Variants in DNAJB4 observed in about 807,000 individuals in gnomAD.
DNAJB4 encodes the protein dnaJ homolog subfamily B member 4.
In DNAJB4, 10 loss-of-function variants were observed where a neutral mutation model predicts 26.6. That is an observed-to-expected ratio of 0.38 (90% CI 0.23 to 0.64). The LOEUF (loss-of-function observed/expected upper bound fraction) is 0.64. Ranked by LOEUF, DNAJB4 falls within the 30% of genes least tolerant of loss-of-function variation. DNAJB4 has a pLI of 0.58. For missense variants in DNAJB4, 328 were observed against 408.2 expected, an observed-to-expected ratio of 0.80 and a Z score of 1.69; for synonymous variants, 136 against 134.8, an observed-to-expected ratio of 1.01 and a Z score of -0.06.
chr1:78,005,365 C>A, intron 1 of DNAJB4, 44 bp downstream of exon 1: 2 of 1,174,950 alleles, frequency 1.7e-6, no homozygotes, highest in Non-Finnish European at 2.2e-6. Context: ...AGCTCTGTCT[C>A]TTTTTTTTTT....
At position 78,016,419 on chromosome 1, in the gene DNAJB4, GTT is replaced by G. The variant is rs1660645254; in HGVS notation, c.*173_*174del. ...TAAATAGGCAAAAGGGATTTTTACA[GTT>G]AGAGATAAAAGAGAAAACCATTCAC... is the stretch of plus-strand genomic sequence containing the variant. On this transcript the variant is annotated 3_prime_UTR_variant, in exon 3 of 3. Coordinates refer to ENST00000370763, the MANE Select transcript of DNAJB4 (RefSeq NM_007034.5). 1 of 584,136 alleles carries G rather than the reference GTT, an allele frequency of 1.7e-6. No homozygotes were observed. The highest frequency in any genetic ancestry group is 1.9e-5 in the African/African-American group (1 of 53,318). 36.2% of individuals were successfully genotyped at this position (584,136 alleles called of 1,614,324 possible). A position where few individuals can be genotyped will look rare whatever the true frequency, so the allele number is the denominator to read the frequency against.
At position 77,997,021 on chromosome 1, in the gene DNAJB4, A is replaced by G. The variant is rs907116352; in HGVS notation, c.-31-8059A>G. ...ACAGATTATTAATGAAACTTTGTTA[A>G]GAACCCTTTACCTTACTGACAACCA... On this transcript the variant is annotated intron_variant, in intron 1 of 2. Transcript: ENST00000426517. Among the ~76,000 whole-genome samples, 85 of 152,204 alleles carry G rather than the reference A, an allele frequency of 5.6e-4. 5 individuals carry two copies. The highest frequency in any genetic ancestry group is 1.0e-4 in the Non-Finnish European group (7 of 68,040).
At chr1:78,002,646 A>G (rs1000017085), upstream of DNAJB4, among the ~76,000 whole-genome samples, 4 of 152,172 alleles carry the variant, frequency 2.6e-5, no homozygotes, top group African/African-American at 2.4e-5. Context: ...TTACAAAGCT[A>G]TAAGTGTGCA....
At position 78,013,094 on chromosome 1, in the gene DNAJB4, C is replaced by T. The variant is rs377300703; in HGVS notation, c.255C>T (p.Thr85=). 1.5e-5 allele frequency: 24 copies of T among 1,613,486 alleles called. No homozygotes were observed. The African/African-American group carries it at 3.1e-4, about 21-fold the overall frequency. The change falls in exon 2 of 3, where the codon ACC becomes ACT. Residue 85 remains threonine, a synonymous_variant. Coordinates refer to ENST00000370763, the MANE Select transcript of DNAJB4 (RefSeq NM_007034.5). ...GAGGTDGQGG[T]FRYTFHGDPH... Reference sequence around the variant, plus strand: ...GAGGTACTGATGGACAAGGAGGTACCTTCCGGTACACCTTTCATGGCGATC... The same window carrying T: ...GAGGTACTGATGGACAAGGAGGTACTTTCCGGTACACCTTTCATGGCGATC...
chr1:77,988,920 A>G lies in DNAJB4; in HGVS notation c.-32+8598A>G, dbSNP rs191849377. ...GTCCTTAATAAAAATTTGTGAGTAA[A>G]TGAATGTTCATTCATTCTGGTTTCA... is the stretch of plus-strand genomic sequence containing the variant. On this transcript the variant is annotated intron_variant, in intron 1 of 2. Transcript: ENST00000426517. 3.3e-3 allele frequency among the ~76,000 whole-genome samples: 501 copies of G among 152,302 alleles called. 2 individuals are homozygous for G. The highest frequency in any genetic ancestry group is 3.3e-3 in the Non-Finnish European group (222 of 68,022).
chr1:78,013,130 A>G lies in DNAJB4; in HGVS notation c.291A>G (p.Thr97=), dbSNP rs772091593. 3.7e-6 allele frequency: 6 copies of G among 1,614,178 alleles called. No homozygotes were observed. Among genetic ancestry groups the G allele is most frequent in the African/African-American group, 1.3e-5 (1 of 75,048 alleles). ...RYTFHGDPHA[T]FAAFFGGSNP... is the part of the protein sequence containing the mutation. ...CCTTTCATGGCGATCCTCATGCTAC[A>G]TTTGCTGCATTTTTCGGAGGGTCCA... The change falls in exon 2 of 3, where the codon ACA becomes ACG. Residue 97 remains threonine, a synonymous_variant. Coordinates refer to ENST00000370763, the MANE Select transcript of DNAJB4 (RefSeq NM_007034.5).
chr1:77,982,937 G>A (rs145996067), intron 1 of DNAJB4, among the ~76,000 whole-genome samples: 1,795 of 152,292 alleles, frequency 0.012, 34 homozygotes, highest in African/African-American at 0.042. Context: ...GGTGTTTCTC[G>A]TAAGGTGGAA....
chr1:77,999,022 T>A (rs1033074107), intron 1 of DNAJB4, among the ~76,000 whole-genome samples: 1 of 152,154 alleles, frequency 6.6e-6, no homozygotes, highest in African/African-American at 2.4e-5. Flanking sequence ...GAATTGAGGG[T>A]CTGAGTTGCA....
At chr1:77,996,251 C>T (rs1182148610) in intron 1 of DNAJB4, among the ~76,000 whole-genome samples, 12 of 151,948 alleles carry the variant, frequency 7.9e-5, no homozygotes, top group African/African-American at 2.7e-4. Flanking sequence ...CCTCCTGGAC[C>T]CAAGCCATCC....
chr1:77,996,495 G>A (rs1660063299), intron 1 of DNAJB4, among the ~76,000 whole-genome samples: 1 of 151,906 alleles, frequency 6.6e-6, no homozygotes, highest in Non-Finnish European at 1.5e-5. Context: ...GATCCCCTGG[G>A]TGTCTCCAAA....
At chr1:77,993,805 A>T (rs1659996883) in intron 1 of DNAJB4, among the ~76,000 whole-genome samples, 1 of 152,206 alleles carries the variant, frequency 6.6e-6, no homozygotes, top group African/African-American at 2.4e-5. Context: ...ATCCATTTAC[A>T]GTTAATTTAT....
chr1:77,999,956 A>T (rs1180592111), upstream of DNAJB4, among the ~76,000 whole-genome samples: 1 of 152,242 alleles, frequency 6.6e-6, no homozygotes, highest in Admixed American at 6.5e-5. Flanking sequence ...AAGGCTGGAC[A>T]GATCTTCTGA....
intron 1 of DNAJB4, 35 bp from the exon 2 acceptor site, chr1:78,013,016 A>T (rs770861622): frequency 6.6e-7 from 1 of 1,514,236 alleles, no homozygotes; most frequent in Admixed American, 2.3e-5. Flanking sequence ...AAGAGTTGCA[A>T]GCTTTTTTCT....
At chr1:78,014,965 C>T (rs1052332281) in intron 2 of DNAJB4, among the ~76,000 whole-genome samples, 3 of 152,146 alleles carry the variant, frequency 2.0e-5, no homozygotes, top group South Asian at 2.1e-4. Context: ...TGTTTCTTAC[C>T]CTGCTCTAAT....
At chr1:77,988,533 GCCA>G (rs1659855249) in intron 1 of DNAJB4, among the ~76,000 whole-genome samples, 1 of 152,092 alleles carries the variant, frequency 6.6e-6, no homozygotes, top group African/African-American at 2.4e-5. Context: ...TTCTGACTCA[GCCA>G]CCTTGCGGTT....
chr1:77,997,306 T>C (rs1247204118), intron 1 of DNAJB4, among the ~76,000 whole-genome samples: 1 of 137,132 alleles, frequency 7.3e-6, no homozygotes, highest in Non-Finnish European at 1.5e-5. Context: ...AGTGAGAACC[T>C]GTCTCTACAA....
intron 1 of DNAJB4, among the ~76,000 whole-genome samples, chr1:78,005,906 G>A (rs1170699275): frequency 6.6e-6 from 1 of 152,190 alleles, no homozygotes; most frequent in Admixed American, 6.5e-5. Flanking sequence ...TTGGCATTCT[G>A]CCTGGAGAGG....
chr1:77,993,192 A>G (rs1035317733), intron 1 of DNAJB4, among the ~76,000 whole-genome samples: 1 of 152,176 alleles, frequency 6.6e-6, no homozygotes, highest in African/African-American at 2.4e-5. Flanking sequence ...GACGGTAACT[A>G]TTTTAGGCCT....
intron 1 of DNAJB4, among the ~76,000 whole-genome samples, chr1:77,990,784 T>C (rs1349837182): frequency 6.6e-6 from 1 of 152,278 alleles, no homozygotes; most frequent in Non-Finnish European, 1.5e-5. Flanking sequence ...AGATGCTATT[T>C]CTTACTACTT....
Sources: allele counts gnomAD v4.1 joint callset (sites outside exome capture counted in the v4.1 genomes callset), GRCh38; gene constraint gnomAD v4.1.1; transcripts MANE v1.5; gene names NCBI Gene and HGNC (gene_info 2026-07-23, HGNC 2026-07-21).